The following ADAMTS15 variants were observed in gnomAD, a reference collection of about 807,000 sequenced individuals.
ADAMTS15 encodes the protein A disintegrin and metalloproteinase with thrombospondin motifs 15.
In ADAMTS15, 35 loss-of-function variants were observed where a neutral mutation model predicts 79.1. The ratio of observed to expected loss-of-function variants is 0.44; its 90% CI spans 0.34 to 0.59. ADAMTS15 has a LOEUF of 0.59. Among genes scored for constraint, ADAMTS15 ranks in the 20% least tolerant of loss-of-function variants. The pLI is 0.02. For synonymous variants in ADAMTS15, 616 were observed against 567.3 expected (o/e 1.09, Z -1.22); for missense variants, 1,324 against 1,318.7 (o/e 1.00, Z -0.06).
In ADAMTS15 at chr11:130,449,483, C is replaced by T. The variant is rs1366445572; in HGVS notation, c.510C>T (p.Pro170=). The change falls in exon 1 of 8, where the codon CCC becomes CCT. Residue 170 remains proline, a synonymous_variant. Coordinates refer to ENST00000299164, the MANE Select transcript of ADAMTS15 (RefSeq NM_139055.4). This position sits in a 1 kb window ranked among gnomAD's most constrained non-coding sequence, Gnocchi z 7.8. ...RGVPGGPSGD[P]TSRCGVASGW... is the part of the protein sequence containing the mutation. ...TTCCGGGCGGGCCTTCCGGAGACCC[C>T]ACCTCTCGCTGCGGGGTGGCCTCGG... 4 of 1,561,542 alleles carry T rather than the reference C, an allele frequency of 2.6e-6. No individual in the cohort carries two copies. Among genetic ancestry groups the T allele is most frequent in the African/African-American group, 2.7e-5 (2 of 74,096 alleles).
At chr11:130,452,979 CAAAA>C (rs139829512) in intron 1 of ADAMTS15, among the ~76,000 whole-genome samples, 14 of 126,724 alleles carry the variant, frequency 1.1e-4, no homozygotes, top group Admixed American at 1.7e-4. Flanking sequence ...GGCTCTGTCT[CAAAA>C]AAAAAAAAAA....
Position 130,469,387 on chromosome 11 carries a change from G to A in ADAMTS15, c.1668G>A (p.Glu556=). The A allele has an allele frequency of 7.4e-7, 1 of 1,355,298 alleles. No homozygotes were observed. The highest frequency in any genetic ancestry group is 9.6e-7 in the Non-Finnish European group (1 of 1,044,804). The allele number at this position is 1,355,298 out of a possible 1,614,324, so 84.0% of individuals were successfully genotyped here. Reference sequence around the variant, plus strand: ...CTGCCAACGGGGGCAAGTACTGCGAGGGAGTGAGGGTGAAATACCGATCCT... The same window carrying A: ...CTGCCAACGGGGGCAAGTACTGCGAAGGAGTGAGGGTGAAATACCGATCCT... The part of the protein sequence containing the change: ...PTPANGGKYC[E]GVRVKYRSCN... The change falls in exon 5 of 8, where the codon GAG becomes GAA. Residue 556 remains glutamate (E), a synonymous_variant. Coordinates refer to ENST00000299164, the MANE Select transcript of ADAMTS15 (RefSeq NM_139055.4).
rs780002833 is a variant in ADAMTS15 at position 130,473,533 on chromosome 11, C to T, written c.2565C>T (p.Cys855=). The T allele has an allele frequency of 3.5e-5, 57 of 1,605,916 alleles. No individual in the cohort carries two copies. Among genetic ancestry groups the T allele is most frequent in the Middle Eastern group, 1.7e-4 (1 of 6,058 alleles). The part of the protein sequence containing the change: ...AGSWGPCSAS[C]GSGLQKRAVD... Reference sequence around the variant, plus strand: ...GCTGGGGGCCGTGCTCCGCGAGCTGCGGCAGTGGCCTGCAGAAGCGGGCGG... The same window carrying T: ...GCTGGGGGCCGTGCTCCGCGAGCTGTGGCAGTGGCCTGCAGAAGCGGGCGG... Residue 855 remains cysteine, a synonymous_variant, in exon 8 of 8, where the codon TGC becomes TGT. Coordinates refer to ENST00000299164, the MANE Select transcript of ADAMTS15 (RefSeq NM_139055.4).
At position 130,469,306 on chromosome 11, in the gene ADAMTS15, G is replaced by C; in HGVS notation, c.1587G>C (p.Ser529=). Residue 529 remains serine, a synonymous_variant, in exon 5 of 8, where the codon TCG becomes TCC. Transcript: ENST00000299164. ...WAKWDPYGPC[S]RTCGGGVQLA... The stretch of plus-strand genomic sequence containing the variant: ...AATGGGATCCCTATGGCCCCTGCTC[G>C]CGCACATGTGGTGGGGGCGTGCAGC... 1.4e-6 allele frequency: 2 copies of C among 1,401,096 alleles called. No homozygotes were observed. The highest frequency in any genetic ancestry group is 1.9e-6 in the Non-Finnish European group (2 of 1,072,680). The allele number at this position is 1,401,096 out of a possible 1,614,324, so 86.8% of individuals were successfully genotyped here. A position where few individuals can be genotyped will look rare whatever the true frequency, so the allele number is the denominator to read the frequency against.
intron 4 of ADAMTS15, among the ~76,000 whole-genome samples, chr11:130,468,658 G>A (rs1463738661): frequency 2.6e-5 from 4 of 151,674 alleles, no homozygotes; most frequent in Non-Finnish European, 5.9e-5. Flanking sequence ...CCAGCTACTC[G>A]GGAGGCTGAG....
At position 130,449,289 on chromosome 11, in the gene ADAMTS15, G is replaced by A. The variant is rs914895212; in HGVS notation, c.316G>A (p.Asp106Asn). 6.8e-6 allele frequency: 11 copies of A among 1,611,816 alleles called. No individual in the cohort carries two copies. The highest frequency in any genetic ancestry group is 5.0e-5 in the Admixed American group (3 of 60,012). The change falls in exon 1 of 8, where the codon GAC becomes AAC. Residue 106 changes from aspartate to asparagine, a missense_variant. Transcript: ENST00000299164. This position sits in a 1 kb window ranked among gnomAD's most constrained non-coding sequence, Gnocchi z 7.8. ...SDLRRCFYSGDVNAEPDSFAA... is the reference protein window; with the variant it reads ...SDLRRCFYSGNVNAEPDSFAA... ...CCTGCGACGCTGCTTCTATTCTGGG[G>A]ACGTGAACGCCGAGCCGGACTCGTT... is the stretch of plus-strand genomic sequence containing the variant.
chr11:130,462,886 T>C lies in ADAMTS15; in HGVS notation c.1542+106T>C. On this transcript the variant is annotated intron_variant, in intron 4 of 7. Transcript: ENST00000299164. The surrounding 1 kb of genome is among the most constrained non-coding windows in gnomAD (Gnocchi z 4.3). ...CACCAGGAAGGTGCCTATCACAGAC[T>C]GGCCACGGGACCAGCACTGTTGCAT... The C allele has an allele frequency of 1.4e-6, 2 of 1,451,812 alleles. No individual in the cohort carries two copies. Among genetic ancestry groups the C allele is most frequent in the Non-Finnish European group, 9.3e-7 (1 of 1,075,410 alleles). 89.9% of individuals were successfully genotyped at this position (1,451,812 alleles called of 1,614,324 possible).
At chr11:130,466,162 C>T (rs1415556652) in intron 4 of ADAMTS15, among the ~76,000 whole-genome samples, 3 of 152,162 alleles carry the variant, frequency 2.0e-5, no homozygotes, top group Non-Finnish European at 4.4e-5. Context: ...CGTGAGCCAC[C>T]GCGCCCGGCC....
rs368293044 is a variant in ADAMTS15 at position 130,473,077 on chromosome 11, C to G, written c.2109C>G (p.Pro703=). 5 of 1,613,838 alleles carry G rather than the reference C, an allele frequency of 3.1e-6. No individual in the cohort carries two copies. Among genetic ancestry groups the G allele is most frequent in the Non-Finnish European group, 4.2e-6 (5 of 1,180,014 alleles). ...GCTACAATTTCGTGGTGGCCATCCC[C>G]GCAGGCGCCTCAAGCATCGACATCC... ...MHGYNFVVAI[P]AGASSIDIRQ... Residue 703 remains proline, a synonymous_variant, in exon 8 of 8, where the codon CCC becomes CCG. Coordinates refer to ENST00000299164, the MANE Select transcript of ADAMTS15 (RefSeq NM_139055.4).
intron 4 of ADAMTS15, among the ~76,000 whole-genome samples, chr11:130,468,702 T>G (rs1299680584): frequency 1.3e-5 from 2 of 149,028 alleles, no homozygotes; most frequent in African/African-American, 2.5e-5. Context: ...GAGGCGGAGC[T>G]TGCAGTGAGC....
intron 1 of ADAMTS15, among the ~76,000 whole-genome samples, chr11:130,453,940 G>C (rs547636638): frequency 3.2e-4 from 49 of 152,144 alleles, no homozygotes; most frequent in African/African-American, 8.9e-4. Flanking sequence ...GGGACTACAG[G>C]CATATGACTA....
chr11:130,450,192 TG>T, intron 1 of ADAMTS15: 1 of 985,480 alleles, frequency 1.0e-6, no homozygotes, highest in Non-Finnish European at 1.2e-6. Context: ...CAGCGCCTCC[TG>T]GATCAGGCGC....
chr11:130,451,414 C>T (rs1407190615), intron 1 of ADAMTS15, among the ~76,000 whole-genome samples: 1 of 152,188 alleles, frequency 6.6e-6, no homozygotes, highest in South Asian at 2.1e-4. Context: ...CTAGGGAGGT[C>T]TTTGGCCTGA....
chr11:130,456,179 C>T (rs1169187559), intron 1 of ADAMTS15, among the ~76,000 whole-genome samples: 1 of 152,146 alleles, frequency 6.6e-6, no homozygotes, highest in Non-Finnish European at 1.5e-5. Flanking sequence ...TGAATGAAGG[C>T]AGATAAAACT....
At chr11:130,455,903 C>A (rs1414781739) in intron 1 of ADAMTS15, among the ~76,000 whole-genome samples, 1 of 152,228 alleles carries the variant, frequency 6.6e-6, no homozygotes, top group East Asian at 1.9e-4. Context: ...CCTCTCCCCA[C>A]TCAGTGTCAA....
intron 4 of ADAMTS15, among the ~76,000 whole-genome samples, chr11:130,466,368 G>A (rs1377933372): frequency 6.6e-6 from 1 of 152,146 alleles, no homozygotes; most frequent in Non-Finnish European, 1.5e-5. Flanking sequence ...AGGGAATCTG[G>A]ACGTGTCCAT....
chr11:130,470,183 T>TATATATATATAC (rs1565397829), intron 5 of ADAMTS15, among the ~76,000 whole-genome samples: 8 of 39,844 alleles, frequency 2.0e-4, no homozygotes, highest in African/African-American at 9.7e-4. Context: ...TATATATATG[T>TATATATATATAC]GTGTATATAT....
intron 5 of ADAMTS15, among the ~76,000 whole-genome samples, chr11:130,470,154 GTA>G (rs869166777): frequency 0.092 from 5,085 of 55,176 alleles, 419 homozygotes; most frequent in East Asian, 0.32. Flanking sequence ...ATATATATGT[GTA>G]TATATATATA....
chr11:130,454,309 G>A (rs986736176), intron 1 of ADAMTS15, among the ~76,000 whole-genome samples: 2 of 152,110 alleles, frequency 1.3e-5, no homozygotes, highest in African/African-American at 4.8e-5. Flanking sequence ...TCACAACCCT[G>A]AGCTTGGTGC....
Sources: gnomAD v4.1 joint callset for allele counts (sites outside exome capture counted in the v4.1 genomes callset) on GRCh38, gnomAD v4.1.1 for gene constraint, Gnocchi (gnomAD v3.1) non-coding constraint, MANE v1.5 for transcripts, NCBI Gene and HGNC (gene_info 2026-07-23, HGNC 2026-07-21) for gene names.